Variants in COL25A1 observed in about 807,000 individuals in gnomAD.
COL25A1 encodes the protein collagen type XXV alpha 1 chain.
A neutral mutation model predicts 128.4 loss-of-function variants in COL25A1; 103 were observed. The ratio of observed to expected loss-of-function variants is 0.80; its 90% CI spans 0.68 to 0.94. COL25A1 has a LOEUF of 0.94. Ranked by LOEUF, COL25A1 falls within the 40% of genes least tolerant of loss-of-function variation. COL25A1 has a pLI of 0.00. For missense variants in COL25A1, 745 were observed against 840.0 expected, an observed-to-expected ratio of 0.89 and a Z score of 1.40; for synonymous variants, 279 against 277.2, an observed-to-expected ratio of 1.01 and a Z score of -0.06.
intron 5 of COL25A1, among the ~76,000 whole-genome samples, chr4:109,041,766 C>T (rs937714016): frequency 6.6e-6 from 1 of 151,966 alleles, no homozygotes; most frequent in African/African-American, 2.4e-5. Flanking sequence ...ATCTGACCCT[C>T]CACTCTTTCC....
At chr4:108,916,477 T>C (rs1744885570) in intron 13 of COL25A1, among the ~76,000 whole-genome samples, 7 of 152,170 alleles carry the variant, frequency 4.6e-5, no homozygotes, top group Admixed American at 4.6e-4. Flanking sequence ...TTGTTTTGTT[T>C]CATGTTAAAA....
intron 8 of COL25A1, among the ~76,000 whole-genome samples, chr4:108,960,931 T>G (rs1368854547): frequency 8.4e-6 from 1 of 119,716 alleles, no homozygotes; most frequent in Non-Finnish European, 1.9e-5. Flanking sequence ...CATGTTAAGG[T>G]ATGCAAGGTA....
chr4:108,813,760 T>G lies in COL25A1; in HGVS notation c.*167A>C. 1.8e-6 allele frequency: 1 copy of G among 568,832 alleles called. No homozygotes were observed. The highest frequency in any genetic ancestry group is 3.2e-6 in the Non-Finnish European group (1 of 314,702). The allele number at this position is 568,832 out of a possible 1,614,324, so 35.2% of individuals were successfully genotyped here. On this transcript the variant is annotated 3_prime_UTR_variant, in exon 38 of 38. Coordinates refer to ENST00000399132, the MANE Select transcript of COL25A1 (RefSeq NM_198721.4). ...CACTGGTTTCACAAATTGCCCAATT[T>G]CAGATGTAAGTGGAGTAAAAATGGA...
chr4:109,061,642 G>A (rs1761982997), intron 3 of COL25A1, among the ~76,000 whole-genome samples: 1 of 152,130 alleles, frequency 6.6e-6, no homozygotes, highest in Admixed American at 6.6e-5. Context: ...GCTAACATAG[G>A]TGATCTTCAC....
At position 108,855,191 on chromosome 4, in the gene COL25A1, G is replaced by GTTTTTTTTTTTTT. The variant is rs35873529; in HGVS notation, c.1321-2267_1321-2266insAAAAAAAAAAAAA. Among the ~76,000 whole-genome samples, 16 of 131,956 alleles carry GTTTTTTTTTTTTT rather than the reference G, an allele frequency of 1.2e-4. 3 individuals are homozygous for GTTTTTTTTTTTTT. Among genetic ancestry groups the GTTTTTTTTTTTTT allele is most frequent in the Non-Finnish European group, 1.4e-4 (9 of 63,010 alleles). 86.6% of individuals were successfully genotyped at this position (131,956 alleles called of 152,430 possible). A position where few individuals can be genotyped will look rare whatever the true frequency, so the allele number is the denominator to read the frequency against. ...ATTTCTGATTTGAGCTGTTGTTACT[G>GTTTTTTTTTTTTT]TTTTTTTTTTTTATTTTTTAAATTG... On this transcript the variant is annotated intron_variant, in intron 24 of 37. Coordinates refer to ENST00000399132, the MANE Select transcript of COL25A1 (RefSeq NM_198721.4).
At chr4:109,012,027 A>C (rs952577469) in intron 5 of COL25A1, among the ~76,000 whole-genome samples, 1 of 150,718 alleles carries the variant, frequency 6.6e-6, no homozygotes, top group Non-Finnish European at 1.5e-5. Context: ...TTGTTTGTTC[A>C]TTTGTTATAG....
At chr4:108,951,812 A>G (rs906150957) in intron 8 of COL25A1, among the ~76,000 whole-genome samples, 3 of 152,324 alleles carry the variant, frequency 2.0e-5, no homozygotes, top group African/African-American at 7.2e-5. Context: ...GTGAATATGC[A>G]TATGTTTCAC....
At chr4:109,092,751 A>G (rs1765029928) in intron 3 of COL25A1, among the ~76,000 whole-genome samples, 1 of 152,168 alleles carries the variant, frequency 6.6e-6, no homozygotes, top group African/African-American at 2.4e-5. Flanking sequence ...AGTGCTCCCT[A>G]TATGCATACT....
chr4:108,971,997 T>C (rs1356435599), intron 8 of COL25A1, among the ~76,000 whole-genome samples: 4 of 152,210 alleles, frequency 2.6e-5, no homozygotes, highest in Admixed American at 2.6e-4. Context: ...AATTTCTATA[T>C]GATCTTCAAG....
intron 23 of COL25A1, among the ~76,000 whole-genome samples, 181 bp from the exon 24 acceptor site, chr4:108,859,914 C>T (rs1440418223): frequency 6.6e-6 from 1 of 152,120 alleles, no homozygotes; most frequent in African/African-American, 2.4e-5. Context: ...TCAAAGGAGG[C>T]AAACCACTTC....
rs3041336 is a variant in COL25A1 at position 109,222,059 on chromosome 4, C to CTTTTTTTTTT, written c.367+78514_367+78523dup. On this transcript the variant is annotated intron_variant, in intron 3 of 37. Transcript: ENST00000399132. ...TTTGTATTTGTGCTCTAAATAACTT[C>CTTTTTTTTTT]TTTTTTTTTTTTTTTTTTTTTTTGA... is the stretch of plus-strand genomic sequence containing the variant. Among the ~76,000 whole-genome samples, 21 of 85,754 alleles carry CTTTTTTTTTT rather than the reference C, an allele frequency of 2.4e-4. 1 individual carries two copies. The highest frequency in any genetic ancestry group is 1.1e-3 in the East Asian group (3 of 2,682). 56.3% of individuals were successfully genotyped at this position (85,754 alleles called of 152,430 possible). A position where few individuals can be genotyped will look rare whatever the true frequency, so the allele number is the denominator to read the frequency against.
rs191258585 is a variant in COL25A1 at position 108,983,595 on chromosome 4, C to G, written c.439-9036G>C. On this transcript the variant is annotated intron_variant, in intron 6 of 37. Coordinates refer to ENST00000399132, the MANE Select transcript of COL25A1 (RefSeq NM_198721.4). ...TGACTTCAAGAATGAAGCCGCGGAC[C>G]CTCGCAGTGAGTGTTACAGCTCTTA... Among the ~76,000 whole-genome samples, 773 of 152,238 alleles carry G rather than the reference C, an allele frequency of 5.1e-3. 4 individuals are homozygous for G. Among genetic ancestry groups the G allele is most frequent in the Admixed American group, 7.8e-3 (120 of 15,300 alleles).
intron 8 of COL25A1, among the ~76,000 whole-genome samples, chr4:108,973,198 A>G (rs1752093730): frequency 6.6e-6 from 1 of 152,192 alleles, no homozygotes; most frequent in African/African-American, 2.4e-5. Context: ...ACTTAAGGTT[A>G]TGAGAGTCTT....
At chr4:109,060,197 G>T (rs745990168) in intron 3 of COL25A1, among the ~76,000 whole-genome samples, 1 of 152,204 alleles carries the variant, frequency 6.6e-6, no homozygotes, top group African/African-American at 2.4e-5. Flanking sequence ...TACTGAGCAC[G>T]TGGCAGCTGT....
intron 3 of COL25A1, among the ~76,000 whole-genome samples, chr4:109,138,914 A>G (rs1042295875): frequency 6.6e-6 from 1 of 152,018 alleles, no homozygotes; most frequent in Non-Finnish European, 1.5e-5. Flanking sequence ...TCACCCTGTT[A>G]GCCAGGATGG....
intron 3 of COL25A1, among the ~76,000 whole-genome samples, chr4:109,145,282 T>C (rs944081343): frequency 2.0e-5 from 3 of 152,010 alleles, no homozygotes; most frequent in African/African-American, 7.3e-5. Flanking sequence ...TTAGCCAGGA[T>C]GGTCTTGATC....
intron 14 of COL25A1, among the ~76,000 whole-genome samples, chr4:108,899,813 G>T (rs780527971): frequency 7.9e-5 from 12 of 152,068 alleles, no homozygotes; most frequent in South Asian, 2.1e-4. Flanking sequence ...GTTTAGGAAT[G>T]ATGTCCTTAT....
intron 8 of COL25A1, among the ~76,000 whole-genome samples, chr4:108,959,456 A>T (rs1750426749): frequency 6.6e-6 from 1 of 152,148 alleles, no homozygotes; most frequent in Non-Finnish European, 1.5e-5. Flanking sequence ...TAGTGAACAC[A>T]TTCCAGTAAT....
chr4:108,823,745 G>A (rs1022453762), intron 35 of COL25A1: 2 of 295,144 alleles, frequency 6.8e-6, no homozygotes, highest in Non-Finnish European at 5.9e-6. Flanking sequence ...AAATATCAAC[G>A]TACAAAACAT....
Sources: gnomAD v4.1 joint callset for allele counts (sites outside exome capture counted in the v4.1 genomes callset) on GRCh38, gnomAD v4.1.1 for gene constraint, MANE v1.5 for transcripts, NCBI Gene and HGNC (gene_info 2026-07-23, HGNC 2026-07-21) for gene names.